Variants in LRRC49 observed in about 807,000 individuals in gnomAD.
LRRC49 encodes leucine rich repeat containing 49, also known as leucine-rich repeat-containing protein 49.
LRRC49 carries 50 observed loss-of-function variants against 83.3 expected under a neutral mutation model. The observed-to-expected ratio is 0.60, with a 90% CI of 0.48 to 0.76. LRRC49 has a LOEUF of 0.76. Ranked by LOEUF, LRRC49 falls within the 30% of genes least tolerant of loss-of-function variation. The pLI is 0.00. For missense variants in LRRC49, 704 were observed against 809.1 expected, an observed-to-expected ratio of 0.87 and a Z score of 1.58; for synonymous variants, 286 against 283.3, an observed-to-expected ratio of 1.01 and a Z score of -0.10.
intron 14 of LRRC49, among the ~76,000 whole-genome samples, chr15:71,034,112 G>A (rs911999630): frequency 7.2e-5 from 11 of 152,116 alleles, no homozygotes; most frequent in African/African-American, 2.7e-4. Flanking sequence ...CTACAGAATG[G>A]GAGAAAATTT....
chr15:70,866,210 C>T (rs1472729993), intron 1 of LRRC49, among the ~76,000 whole-genome samples: 3 of 151,742 alleles, frequency 2.0e-5, no homozygotes, highest in East Asian at 1.9e-4. Context: ...TGCAGTGGTG[C>T]GATCTTGGCT....
At chr15:70,900,300 T>A in intron 3 of LRRC49, 1 of 372,382 alleles carries the variant, frequency 2.7e-6, no homozygotes, top group Non-Finnish European at 5.3e-6. Flanking sequence ...AACTACGGTA[T>A]GCTAGATTTA....
chr15:70,907,809 C>A, intron 5 of LRRC49: 1 of 370,882 alleles, frequency 2.7e-6, no homozygotes, highest in South Asian at 2.1e-5. Flanking sequence ...AGTTTCTATT[C>A]AATGGAAGAA....
intron 9 of LRRC49, among the ~76,000 whole-genome samples, chr15:70,978,338 G>A (rs1469574326): frequency 6.6e-6 from 1 of 152,156 alleles, no homozygotes; most frequent in Non-Finnish European, 1.5e-5. Context: ...GTGGAGTTTT[G>A]CAGGTGCTGT....
At position 71,049,700 on chromosome 15, in the gene LRRC49, C is replaced by T; in HGVS notation, c.*88C>T. 1.2e-6 allele frequency: 1 copy of T among 808,424 alleles called. No individual in the cohort carries two copies. The highest frequency in any genetic ancestry group is 1.7e-5 in the South Asian group (1 of 59,434). 50.1% of individuals were successfully genotyped at this position (808,424 alleles called of 1,614,324 possible). A position where few individuals can be genotyped will look rare whatever the true frequency, so the allele number is the denominator to read the frequency against. On this transcript the variant is annotated 3_prime_UTR_variant, in exon 16 of 16. Coordinates refer to ENST00000260382, the MANE Select transcript of LRRC49 (RefSeq NM_017691.5). Reference sequence around the variant, plus strand: ...GTTATACATGTTAAAACAACAACAACACTATCCTATAAACTAGAAAGACTA... The same window carrying T: ...GTTATACATGTTAAAACAACAACAATACTATCCTATAAACTAGAAAGACTA...
Position 70,906,386 on chromosome 15 carries a change from C to T in LRRC49, c.500+1631C>T, listed in dbSNP as rs1054877620. On this transcript the variant is annotated intron_variant, in intron 5 of 15. Transcript: ENST00000260382. Reference sequence around the variant, plus strand: ...CTGGGATTACAGGCGTGAGCCACCGCGCCCAGCCACCCAGAGATTTCTTTA... The same window carrying T: ...CTGGGATTACAGGCGTGAGCCACCGTGCCCAGCCACCCAGAGATTTCTTTA... 1.1e-4 allele frequency among the ~76,000 whole-genome samples: 17 copies of T among 152,238 alleles called. 1 individual carries two copies. Among genetic ancestry groups the T allele is most frequent in the Admixed American group, 3.9e-4 (6 of 15,300 alleles).
intron 1 of LRRC49, chr15:70,853,809 G>C (rs1440024859): frequency 2.9e-6 from 3 of 1,047,240 alleles, no homozygotes; most frequent in Non-Finnish European, 3.6e-6. Context: ...AGGAGTTGTC[G>C]CGCGCAGTCA....
At chr15:70,883,324 T>C (rs2033316374) in intron 2 of LRRC49, among the ~76,000 whole-genome samples, 1 of 152,136 alleles carries the variant, frequency 6.6e-6, no homozygotes, top group Admixed American at 6.5e-5. Context: ...CCCAAGTAGC[T>C]GGGATTACAG....
chr15:71,049,049 A>G (rs1043833717), intron 15 of LRRC49, among the ~76,000 whole-genome samples: 1 of 152,336 alleles, frequency 6.6e-6, no homozygotes, highest in Admixed American at 6.5e-5. Flanking sequence ...ATCCTGATAC[A>G]TTTACCACAG....
chr15:70,864,027 T>C (rs535753496), intron 1 of LRRC49, among the ~76,000 whole-genome samples: 21 of 152,008 alleles, frequency 1.4e-4, no homozygotes, highest in Admixed American at 1.2e-3. Context: ...GTAGTGCCCA[T>C]TGGATAGGGT....
chr15:71,003,908 G>A (rs1326479387), intron 11 of LRRC49, among the ~76,000 whole-genome samples: 1 of 152,024 alleles, frequency 6.6e-6, no homozygotes, highest in Non-Finnish European at 1.5e-5. Context: ...TTTTGCAATG[G>A]TCTCTTACTC....
At chr15:70,991,236 CAT>C (rs1385325190) in intron 11 of LRRC49, among the ~76,000 whole-genome samples, 4 of 152,186 alleles carry the variant, frequency 2.6e-5, no homozygotes, top group African/African-American at 4.8e-5. Context: ...CTAGACTCCA[CAT>C]GTTTCTCTTC....
chr15:70,893,092 G>A, intron 1 of LRRC49, 150 bp downstream of exon 1: 1 of 828,934 alleles, frequency 1.2e-6, no homozygotes, highest in Non-Finnish European at 2.0e-6. Context: ...TCGTGGGCTG[G>A]ACCAAGGCAC....
chr15:70,971,355 T>C (rs1324289855), intron 9 of LRRC49, among the ~76,000 whole-genome samples: 1 of 152,180 alleles, frequency 6.6e-6, no homozygotes, highest in East Asian at 1.9e-4. Flanking sequence ...CTGTTTGTTG[T>C]GATTTCCATT....
chr15:70,887,845 G>A (rs1256667048), upstream of LRRC49, among the ~76,000 whole-genome samples: 3 of 152,038 alleles, frequency 2.0e-5, no homozygotes, highest in Non-Finnish European at 4.4e-5. Flanking sequence ...ATAAACTATT[G>A]AAATTAATAA....
intron 8 of LRRC49, among the ~76,000 whole-genome samples, chr15:70,957,556 A>C (rs967985701): frequency 1.3e-5 from 2 of 152,256 alleles, no homozygotes; most frequent in Non-Finnish European, 2.9e-5. Flanking sequence ...ATTCACCGAA[A>C]CTTTATTGCA....
Position 70,906,088 on chromosome 15 carries a change from A to AT in LRRC49, c.500+1342dup, listed in dbSNP as rs1293860281. 5.7e-5 allele frequency among the ~76,000 whole-genome samples: 8 copies of AT among 140,524 alleles called. No homozygotes were observed. The South Asian group carries it at 8.9e-4, about 16-fold the overall frequency. 92.2% of individuals were successfully genotyped at this position (140,524 alleles called of 152,430 possible). ...GAAGGTCAGAGAGTGAGCTCCCTCCATTTTTTTTTCTTTTTTTTTTTTTTT... is the reference window on the plus strand; with the variant it reads ...GAAGGTCAGAGAGTGAGCTCCCTCCATTTTTTTTTTCTTTTTTTTTTTTTTT... On this transcript the variant is annotated intron_variant, in intron 5 of 15. Transcript: ENST00000260382.
intron 1 of LRRC49, among the ~76,000 whole-genome samples, chr15:70,862,926 T>A (rs1007355695): frequency 2.5e-4 from 38 of 152,186 alleles, no homozygotes; most frequent in African/African-American, 8.4e-4. Flanking sequence ...CAGACCAGCC[T>A]GCTGCAAACA....
chr15:70,963,503 A>G (rs948295004), intron 8 of LRRC49, among the ~76,000 whole-genome samples: 3 of 152,074 alleles, frequency 2.0e-5, no homozygotes, highest in African/African-American at 7.2e-5. Flanking sequence ...GGATCCTGGA[A>G]CAGAAAAAGG....
Sources: gnomAD v4.1 joint callset for allele counts (sites outside exome capture counted in the v4.1 genomes callset) on GRCh38, gnomAD v4.1.1 for gene constraint, MANE v1.5 for transcripts, NCBI Gene and HGNC (gene_info 2026-07-23, HGNC 2026-07-21) for gene names.